MARCHF3: variants seen among roughly 807,000 people sequenced by gnomAD.
The protein encoded by MARCHF3 is E3 ubiquitin-protein ligase MARCHF3.
MARCHF3 carries 13 observed loss-of-function variants against 24.2 expected under a neutral mutation model. The observed-to-expected ratio is 0.54, with a 90% CI of 0.35 to 0.85. The LOEUF (loss-of-function observed/expected upper bound fraction) is 0.85. Among genes scored for constraint, MARCHF3 ranks in the 40% least tolerant of loss-of-function variants. MARCHF3 has a pLI of 0.01. For missense variants in MARCHF3, 276 were observed against 325.0 expected, an observed-to-expected ratio of 0.85 and a Z score of 1.16; for synonymous variants, 144 against 137.3, an observed-to-expected ratio of 1.05 and a Z score of -0.34.
At chr5:126,878,714 G>A (rs1753253739) in intron 3 of MARCHF3, among the ~76,000 whole-genome samples, 1 of 152,210 alleles carries the variant, frequency 6.6e-6, no homozygotes, top group Non-Finnish European at 1.5e-5. Flanking sequence ...CTTGGAAGGT[G>A]ACAGCTGAGG....
chr5:126,884,487 C>T (rs1489293635), intron 3 of MARCHF3, among the ~76,000 whole-genome samples: 1 of 152,236 alleles, frequency 6.6e-6, no homozygotes, highest in Non-Finnish European at 1.5e-5. Flanking sequence ...ACCCAGTCAA[C>T]ATCTCTGCTT....
At chr5:126,960,528 CTT>C (rs78684969) in intron 1 of MARCHF3, among the ~76,000 whole-genome samples, 1 of 151,090 alleles carries the variant, frequency 6.6e-6, no homozygotes, top group Non-Finnish European at 1.5e-5. Flanking sequence ...AACCCTAAAA[CTT>C]TTCTTTTTAA....
At chr5:126,875,549 G>C (rs750260015) in intron 4 of MARCHF3, among the ~76,000 whole-genome samples, 2 of 152,258 alleles carry the variant, frequency 1.3e-5, no homozygotes, top group Non-Finnish European at 2.9e-5. Context: ...CAGTTTCCAA[G>C]TGCTGTCAGC....
At chr5:127,021,958 A>C (rs1752818547) in intron 1 of MARCHF3, among the ~76,000 whole-genome samples, 1 of 152,236 alleles carries the variant, frequency 6.6e-6, no homozygotes, top group Non-Finnish European at 1.5e-5. Flanking sequence ...GTTTTTAAAG[A>C]AATCAGGGTA....
chr5:126,895,449 A>G (rs889486785), intron 3 of MARCHF3, among the ~76,000 whole-genome samples: 7 of 151,768 alleles, frequency 4.6e-5, no homozygotes, highest in Admixed American at 4.6e-4. Flanking sequence ...GGTTTTATCT[A>G]CTTTTGGTCT....
intron 1 of MARCHF3, among the ~76,000 whole-genome samples, chr5:126,994,452 T>C (rs1751879222): frequency 6.6e-6 from 1 of 152,198 alleles, no homozygotes; most frequent in African/African-American, 2.4e-5. Flanking sequence ...CATAACTGTA[T>C]GCATTTGTCA....
chr5:126,938,431 G>C (rs1354697610), intron 1 of MARCHF3, among the ~76,000 whole-genome samples: 1 of 151,918 alleles, frequency 6.6e-6, no homozygotes, highest in Non-Finnish European at 1.5e-5. Context: ...GCCTCCCAGA[G>C]TGCTGGGATT....
At chr5:126,911,686 T>C (rs923109507) in intron 3 of MARCHF3, among the ~76,000 whole-genome samples, 1 of 152,242 alleles carries the variant, frequency 6.6e-6, no homozygotes, top group East Asian at 1.9e-4. Flanking sequence ...TGAATAATGA[T>C]CCAGTAGAAT....
chr5:126,965,504 A>C (rs976424184), intron 1 of MARCHF3, among the ~76,000 whole-genome samples: 4 of 152,230 alleles, frequency 2.6e-5, no homozygotes, highest in Admixed American at 1.3e-4. Context: ...CTTTAGAGAC[A>C]GTTTTTAGCT....
chr5:126,908,923 T>C (rs947266563), intron 3 of MARCHF3, among the ~76,000 whole-genome samples: 3 of 152,234 alleles, frequency 2.0e-5, no homozygotes, highest in South Asian at 2.1e-4. Flanking sequence ...CCAGTTTTTC[T>C]GCTGTGTTTC....
At chr5:126,924,654 A>C (rs912010140) in intron 1 of MARCHF3, among the ~76,000 whole-genome samples, 1 of 152,262 alleles carries the variant, frequency 6.6e-6, no homozygotes, top group African/African-American at 2.4e-5. Context: ...TTCCTTTCCA[A>C]TGAAAATAGA....
chr5:126,942,806 T>G (rs1054285045), intron 1 of MARCHF3, among the ~76,000 whole-genome samples: 4 of 152,168 alleles, frequency 2.6e-5, no homozygotes, highest in African/African-American at 9.7e-5. Context: ...TTTTGAAACT[T>G]TCTCAGAAAT....
rs1185107921 is a variant in MARCHF3, at chr5:126,917,998, A to AGTCCGCACTACT, written c.162_173dup (p.Val55_Thr58dup). 3.1e-6 allele frequency: 5 copies of AGTCCGCACTACT among 1,613,868 alleles called. No individual in the cohort carries two copies. Among genetic ancestry groups the AGTCCGCACTACT allele is most frequent in the Non-Finnish European group, 4.2e-6 (5 of 1,179,970 alleles). On this transcript the variant is annotated inframe_insertion, in exon 2 of 5. Coordinates refer to ENST00000308660, the MANE Select transcript of MARCHF3 (RefSeq NM_178450.5). ...TGTGGTACTACCTCTGGGTGGCAAG[A>AGTCCGCACTACT]GTCCGCACTACTGTTGACAGCAGCT...
At chr5:127,003,201 C>T (rs940764197) in intron 1 of MARCHF3, among the ~76,000 whole-genome samples, 2 of 151,824 alleles carry the variant, frequency 1.3e-5, no homozygotes, top group Non-Finnish European at 2.9e-5. Flanking sequence ...GGCTTTTGGC[C>T]GGGCGCGGTG....
intron 1 of MARCHF3, among the ~76,000 whole-genome samples, chr5:126,961,899 A>G (rs1460623874): frequency 1.3e-5 from 2 of 152,166 alleles, no homozygotes; most frequent in Admixed American, 1.3e-4. Context: ...TACTAAATAT[A>G]AACACAAAGA....
chr5:127,005,142 T>TC (rs201705653), intron 1 of MARCHF3, among the ~76,000 whole-genome samples: 1 of 144,184 alleles, frequency 6.9e-6, no homozygotes, highest in Admixed American at 6.9e-5. Flanking sequence ...TCTTTTTTTT[T>TC]TTTTTTTTTT....
At chr5:126,881,331 T>C (rs1419380296) in intron 3 of MARCHF3, among the ~76,000 whole-genome samples, 1 of 152,216 alleles carries the variant, frequency 6.6e-6, no homozygotes, top group East Asian at 1.9e-4. Context: ...TTATCAATTA[T>C]ACAAACGCAG....
chr5:126,870,610 A>T lies in MARCHF3; in HGVS notation c.*23T>A, dbSNP rs534492781. 6.6e-7 allele frequency: 1 copy of T among 1,513,500 alleles called. No homozygotes were observed. Among genetic ancestry groups the T allele is most frequent in the African/African-American group, 2.3e-5 (1 of 43,918 alleles). The allele number at this position is 1,513,500 out of a possible 1,614,324, so 93.8% of individuals were successfully genotyped here. On this transcript the variant is annotated 3_prime_UTR_variant, in exon 5 of 5. Coordinates refer to ENST00000308660, the MANE Select transcript of MARCHF3 (RefSeq NM_178450.5). ...TTCCAAACCCCAAACAATGAATCAAACAACCAACCAACCATACAAACATCA... is the reference window on the plus strand; with the variant it reads ...TTCCAAACCCCAAACAATGAATCAATCAACCAACCAACCATACAAACATCA...
At chr5:126,897,017 G>A (rs2126780251) in intron 3 of MARCHF3, among the ~76,000 whole-genome samples, 1 of 144,824 alleles carries the variant, frequency 6.9e-6, no homozygotes, top group East Asian at 2.1e-4. Flanking sequence ...ACAATCCTTG[G>A]TTCAATCCAA....
Sources: gnomAD v4.1 joint callset for allele counts (sites outside exome capture counted in the v4.1 genomes callset) on GRCh38, gnomAD v4.1.1 for gene constraint, MANE v1.5 for transcripts, NCBI Gene and HGNC (gene_info 2026-07-23, HGNC 2026-07-21) for gene names.